AMBRA1: variants seen among roughly 807,000 people sequenced by gnomAD.
AMBRA1 encodes activating molecule in BECN1-regulated autophagy protein 1.
AMBRA1 carries 47 observed loss-of-function variants against 125.4 expected under a neutral mutation model. That is an observed-to-expected ratio of 0.37 (90% CI 0.30 to 0.48). The LOEUF is 0.48. Among genes scored for constraint, AMBRA1 ranks in the 20% least tolerant of loss-of-function variants. The pLI is 0.99. For missense variants in AMBRA1, 1,331 were observed against 1,693.4 expected, an observed-to-expected ratio of 0.79 and a Z score of 3.76; for synonymous variants, 626 against 655.5, an observed-to-expected ratio of 0.95 and a Z score of 0.69.
intron 12 of AMBRA1, among the ~76,000 whole-genome samples, chr11:46,438,726 T>C (rs1179053624): frequency 6.6e-6 from 1 of 152,200 alleles, no homozygotes; most frequent in African/African-American, 2.4e-5. Context: ...AGGCCTATTC[T>C]GACAGGACAG....
At chr11:46,561,039 G>C (rs2043318971) in intron 1 of AMBRA1, among the ~76,000 whole-genome samples, 1 of 152,052 alleles carries the variant, frequency 6.6e-6, no homozygotes, top group African/African-American at 2.4e-5. Flanking sequence ...CTTCCTGGGA[G>C]CACCACATTG....
intron 11 of AMBRA1, among the ~76,000 whole-genome samples, chr11:46,455,820 G>A (rs1481150802): frequency 6.6e-6 from 1 of 152,184 alleles, no homozygotes; most frequent in Non-Finnish European, 1.5e-5. Flanking sequence ...CTCTTTACTA[G>A]GTCATCCTTC....
chr11:46,560,223 ACTGCACACAGGCAGC>A (rs2043287092), intron 1 of AMBRA1, among the ~76,000 whole-genome samples: 1 of 152,214 alleles, frequency 6.6e-6, no homozygotes, highest in African/African-American at 2.4e-5. Flanking sequence ...CTGCACCTCT[ACTGCACACAGGCAGC>A]AGCATTAGTT....
Position 46,493,645 on chromosome 11 carries a change from G to C in AMBRA1, c.2484C>G (p.Gly828=). 6.2e-7 allele frequency: 1 copy of C among 1,604,724 alleles called. No homozygotes were observed. The highest frequency in any genetic ancestry group is 8.5e-7 in the Non-Finnish European group (1 of 1,177,502). The change falls in exon 11 of 18, where the codon GGC becomes GGG. Residue 828 remains glycine (G), a synonymous_variant. Transcript: ENST00000683756. ...AGIFHERGQP[G]LATHSSVNRV... ...TGTTAACAGAAGAGTGAGTAGCCAA[G>C]CCAGGCTGTCCACGTTCATGAAAAA...
At chr11:46,511,415 A>C (rs975683445) in intron 8 of AMBRA1, among the ~76,000 whole-genome samples, 1 of 152,244 alleles carries the variant, frequency 6.6e-6, no homozygotes, top group African/African-American at 2.4e-5. Flanking sequence ...ATAATGAAGA[A>C]TCTTTGCACC....
chr11:46,544,820 T>C (rs1296841398), intron 5 of AMBRA1, among the ~76,000 whole-genome samples: 1 of 152,006 alleles, frequency 6.6e-6, no homozygotes, highest in Non-Finnish European at 1.5e-5. Context: ...GTCAGCTGCT[T>C]AGAAAGCAGG....
At chr11:46,584,414 C>A (rs935272391) in intron 1 of AMBRA1, among the ~76,000 whole-genome samples, 17 of 148,404 alleles carry the variant, frequency 1.1e-4, no homozygotes, top group East Asian at 6.1e-4. Flanking sequence ...AGGAGATATA[C>A]CTAATGCTAA....
intron 1 of AMBRA1, among the ~76,000 whole-genome samples, chr11:46,579,387 G>A (rs2044092834): frequency 6.6e-6 from 1 of 152,066 alleles, no homozygotes; most frequent in Non-Finnish European, 1.5e-5. Flanking sequence ...AACCCGGGAG[G>A]CAGAGGTTGT....
intron 7 of AMBRA1, among the ~76,000 whole-genome samples, chr11:46,527,196 G>A (rs969041786): frequency 4.6e-5 from 7 of 152,032 alleles, no homozygotes; most frequent in Non-Finnish European, 7.4e-5. Flanking sequence ...AAAGAAGTAG[G>A]AGGCCAGCAG....
chr11:46,477,847 G>A (rs376190464), intron 11 of AMBRA1, among the ~76,000 whole-genome samples: 18 of 152,078 alleles, frequency 1.2e-4, no homozygotes, highest in African/African-American at 1.9e-4. Context: ...AGGCTGAGAC[G>A]GGCAGATCGC....
chr11:46,447,146 C>G (rs137996141), intron 11 of AMBRA1, among the ~76,000 whole-genome samples: 2 of 152,204 alleles, frequency 1.3e-5, no homozygotes, highest in African/African-American at 4.8e-5. Context: ...TGGTGGCTCA[C>G]GCCCATAACC....
chr11:46,437,973 T>C (rs1167885586), intron 12 of AMBRA1, among the ~76,000 whole-genome samples: 2 of 152,100 alleles, frequency 1.3e-5, no homozygotes, highest in African/African-American at 4.8e-5. Context: ...AAACACAGAA[T>C]GCTGGGACGG....
intron 8 of AMBRA1, among the ~76,000 whole-genome samples, chr11:46,512,516 A>C (rs2135053760): frequency 6.6e-6 from 1 of 152,258 alleles, no homozygotes; most frequent in South Asian, 2.1e-4. Flanking sequence ...GTCCCAAAGG[A>C]CAAGAGCTTG....
At position 46,558,170 on chromosome 11, in the gene AMBRA1, G is replaced by C. The variant is rs76119949; in HGVS notation, c.-120-9670C>G. Among the ~76,000 whole-genome samples the C allele has an allele frequency of 9.3e-3, 1,410 of 152,284 alleles. 13 individuals are homozygous for C. Among genetic ancestry groups the C allele is most frequent in the African/African-American group, 0.033 (1,361 of 41,558 alleles). ...AGTCCTGCCCAAATTCCTAACCTGA[G>C]TAATTATGAGACAAAATAAATCTTT... On this transcript the variant is annotated intron_variant, in intron 1 of 17. Coordinates refer to ENST00000683756, the MANE Select transcript of AMBRA1 (RefSeq NM_001387011.1).
intron 1 of AMBRA1, among the ~76,000 whole-genome samples, chr11:46,578,551 A>T (rs1485485251): frequency 2.0e-5 from 3 of 151,908 alleles, no homozygotes; most frequent in Admixed American, 2.0e-4. Flanking sequence ...AATATGGCTA[A>T]TTAGACTCTG....
intron 9 of AMBRA1, among the ~76,000 whole-genome samples, chr11:46,502,524 T>C (rs369730873): frequency 4.3e-4 from 65 of 152,292 alleles, no homozygotes; most frequent in African/African-American, 1.5e-3. Context: ...GTACAAGTTA[T>C]ATATTTGTTA....
intron 5 of AMBRA1, among the ~76,000 whole-genome samples, chr11:46,544,925 TG>T (rs1480898886): frequency 6.6e-6 from 1 of 151,918 alleles, no homozygotes; most frequent in Non-Finnish European, 1.5e-5. Flanking sequence ...GAGACTAGCC[TG>T]GGTAACACAG....
chr11:46,566,886 A>C (rs2043551411), intron 1 of AMBRA1, among the ~76,000 whole-genome samples: 2 of 152,282 alleles, frequency 1.3e-5, no homozygotes, highest in South Asian at 4.1e-4. Context: ...AAAGGCCCCA[A>C]GTTTAGGATT....
chr11:46,447,051 CT>C (rs1248468459), intron 11 of AMBRA1, among the ~76,000 whole-genome samples: 7 of 152,196 alleles, frequency 4.6e-5, no homozygotes, highest in Non-Finnish European at 8.8e-5. Flanking sequence ...GTTTCCTTAT[CT>C]GTAGAAAAGG....
Sources: allele counts gnomAD v4.1 joint callset (sites outside exome capture counted in the v4.1 genomes callset), GRCh38; gene constraint gnomAD v4.1.1; transcripts MANE v1.5; gene names NCBI Gene and HGNC (gene_info 2026-07-23, HGNC 2026-07-21).